Variants in ZNF385D observed in about 807,000 individuals in gnomAD.
ZNF385D encodes the protein zinc finger protein 385D, also known as zinc finger protein 659.
In ZNF385D, 15 loss-of-function variants were observed where a neutral mutation model predicts 35.8. That is an observed-to-expected ratio of 0.42 (90% CI 0.28 to 0.64). The LOEUF (loss-of-function observed/expected upper bound fraction) is 0.64. Among genes scored for constraint, ZNF385D ranks in the 30% least tolerant of loss-of-function variants. ZNF385D has a pLI of 0.23. For missense variants in ZNF385D, 474 were observed against 494.6 expected (o/e 0.96, Z 0.39); for synonymous variants, 212 against 186.8 (o/e 1.13, Z -1.10).
chr3:22,302,988 C>G (rs1449516892), intron 2 of ZNF385D, among the ~76,000 whole-genome samples: 1 of 151,930 alleles, frequency 6.6e-6, no homozygotes, highest in East Asian at 1.9e-4. Context: ...AACTAATTTT[C>G]TAATTTCAAA....
intron 1 of ZNF385D, among the ~76,000 whole-genome samples, chr3:21,689,473 G>A (rs2067213417): frequency 6.6e-6 from 1 of 152,106 alleles, no homozygotes; most frequent in South Asian, 2.1e-4. Context: ...GAAAAGGGTG[G>A]ACTTGAGGAA....
At chr3:21,695,756 A>ATATT (rs915416220) in intron 1 of ZNF385D, among the ~76,000 whole-genome samples, 4 of 142,930 alleles carry the variant, frequency 2.8e-5, no homozygotes, top group Non-Finnish European at 6.2e-5. Flanking sequence ...TTAAATATAT[A>ATATT]TTATATATAT....
intron 3 of ZNF385D, among the ~76,000 whole-genome samples, chr3:22,107,863 T>C (rs770682695): frequency 1.3e-5 from 2 of 151,944 alleles, no homozygotes; most frequent in Non-Finnish European, 2.9e-5. Context: ...TGCTTCAAAA[T>C]TCAGGTGTTG....
At chr3:21,815,422 G>A (rs1239562174) in intron 3 of ZNF385D, among the ~76,000 whole-genome samples, 1 of 152,024 alleles carries the variant, frequency 6.6e-6, no homozygotes, top group African/African-American at 2.4e-5. Flanking sequence ...ATCAACAAAA[G>A]TGATAGACCA....
At chr3:21,647,997 C>G (rs1229506760) in intron 2 of ZNF385D, among the ~76,000 whole-genome samples, 1 of 152,136 alleles carries the variant, frequency 6.6e-6, no homozygotes, top group Non-Finnish European at 1.5e-5. Context: ...TAGAGAACAT[C>G]TCATTTAATC....
chr3:21,672,244 GTTTCTTTTTTTCTTTTCT>G lies in ZNF385D; in HGVS notation c.23-7234_23-7217del, dbSNP rs573390618. ...ATTTGGTAACCATTTTTCTTTCGTT[GTTTCTTTTTTTCTTTTCT>G]TTTCTTTTTTTCTCCCCGCCCCTCT... On this transcript the variant is annotated intron_variant, in intron 1 of 7. Transcript: ENST00000281523. Among the ~76,000 whole-genome samples the G allele has an allele frequency of 1.4e-3, 215 of 152,076 alleles. 2 individuals are homozygous for G. Among genetic ancestry groups the G allele is most frequent in the African/African-American group, 4.8e-3 (200 of 41,498 alleles).
chr3:22,167,800 A>C (rs1458299887), intron 3 of ZNF385D, among the ~76,000 whole-genome samples: 1 of 152,230 alleles, frequency 6.6e-6, no homozygotes, highest in African/African-American at 2.4e-5. Context: ...TTTGTTTCTT[A>C]TATCTCTTTG....
chr3:21,813,877 A>G (rs916397628), intron 3 of ZNF385D, among the ~76,000 whole-genome samples: 1 of 152,134 alleles, frequency 6.6e-6, no homozygotes, highest in African/African-American at 2.4e-5. Context: ...CCTCGAGAAG[A>G]GCAACTCCAA....
At chr3:21,759,501 G>A (rs2070504508) in intron 3 of ZNF385D, among the ~76,000 whole-genome samples, 1 of 152,156 alleles carries the variant, frequency 6.6e-6, no homozygotes, top group Non-Finnish European at 1.5e-5. Flanking sequence ...TTTGCTGAAT[G>A]AATACATAAA....
At chr3:21,821,400 C>G (rs1694222411) in intron 3 of ZNF385D, among the ~76,000 whole-genome samples, 1 of 152,110 alleles carries the variant, frequency 6.6e-6, no homozygotes, top group Non-Finnish European at 1.5e-5. Context: ...ATGATAAATA[C>G]TCCCACCTAA....
intron 3 of ZNF385D, among the ~76,000 whole-genome samples, chr3:21,935,300 A>C (rs941210727): frequency 6.6e-6 from 1 of 152,188 alleles, no homozygotes; most frequent in African/African-American, 2.4e-5. Context: ...CATTCGTTTT[A>C]TGTAACAAAC....
chr3:22,354,981 GAAC>G (rs1457021295), intron 2 of ZNF385D, among the ~76,000 whole-genome samples: 1 of 151,978 alleles, frequency 6.6e-6, no homozygotes, highest in South Asian at 2.1e-4. Context: ...AAGTTCTACT[GAAC>G]AACATTGTTT....
At chr3:21,477,562 C>G (rs1430169956) in intron 4 of ZNF385D, among the ~76,000 whole-genome samples, 1 of 152,130 alleles carries the variant, frequency 6.6e-6, no homozygotes, top group Non-Finnish European at 1.5e-5. Flanking sequence ...AAATACCCTA[C>G]TAACTGTTAG....
intron 3 of ZNF385D, among the ~76,000 whole-genome samples, chr3:21,845,294 G>A (rs1249795691): frequency 1.3e-5 from 2 of 151,908 alleles, no homozygotes; most frequent in African/African-American, 2.4e-5. Context: ...CTGCATAAAT[G>A]TGACTTTTGG....
chr3:21,415,659 A>G lies in ZNF385D; in HGVS notation c.*5555T>C, dbSNP rs1316520056. On this transcript the variant is annotated 3_prime_UTR_variant, in exon 8 of 8. Coordinates refer to ENST00000281523, the MANE Select transcript of ZNF385D (RefSeq NM_024697.3). ...ACTATACTATTACTTATTTTTAATT[A>G]TACTTCTTTGCTCACAAATCATTTT... 1 of 152,142 alleles carries G rather than the reference A, an allele frequency of 6.6e-6. No homozygotes were observed. Among genetic ancestry groups the G allele is most frequent in the East Asian group, 1.9e-4 (1 of 5,200 alleles). The allele number at this position is 152,142 out of a possible 1,614,324, so 9.4% of individuals were successfully genotyped here.
upstream of ZNF385D, among the ~76,000 whole-genome samples, chr3:21,753,965 C>T (rs964764072): frequency 2.6e-5 from 4 of 152,110 alleles, no homozygotes; most frequent in South Asian, 2.1e-4. Context: ...GCTTATTTCA[C>T]TTAAGACAAC....
At chr3:22,355,312 A>G (rs1357791016) in intron 2 of ZNF385D, among the ~76,000 whole-genome samples, 1 of 152,010 alleles carries the variant, frequency 6.6e-6, no homozygotes, top group Non-Finnish European at 1.5e-5. Context: ...ATAGTTTTTA[A>G]TCTCTGGATA....
intron 3 of ZNF385D, among the ~76,000 whole-genome samples, chr3:22,087,755 G>A (rs1701120913): frequency 6.6e-6 from 1 of 152,086 alleles, no homozygotes; most frequent in South Asian, 2.1e-4. Context: ...ACAGATAGGT[G>A]AGTTAGAAAT....
intron 2 of ZNF385D, among the ~76,000 whole-genome samples, chr3:21,641,973 C>G (rs1447102138): frequency 7.9e-5 from 12 of 152,148 alleles, no homozygotes; most frequent in Admixed American, 7.2e-4. Context: ...GCATGTCCAA[C>G]ATTGAGGCTC....
Sources: gnomAD v4.1 joint callset for allele counts (sites outside exome capture counted in the v4.1 genomes callset) on GRCh38, gnomAD v4.1.1 for gene constraint, MANE v1.5 for transcripts, NCBI Gene and HGNC (gene_info 2026-07-23, HGNC 2026-07-21) for gene names.